Variants in TAS2R1 observed in about 807,000 individuals in gnomAD.
TAS2R1 encodes the protein taste 2 receptor member 1, also known as taste receptor type 2 member 1.
For synonymous variants in TAS2R1, 141 were observed against 134.2 expected (o/e 1.05, Z -0.35); for missense variants, 370 against 353.4 (o/e 1.05, Z -0.38).
the TAS2R1 span, among the ~76,000 whole-genome samples, chr5:9,893,208 C>A: frequency 7.2e-6 from 1 of 138,272 alleles, no homozygotes; most frequent in Admixed American, 7.2e-5. Context: ...GTTGCCCCAG[C>A]TTTTTTTTTT....
chr5:9,788,335 A>G, the TAS2R1 span, among the ~76,000 whole-genome samples: 3 of 152,176 alleles, frequency 2.0e-5, no homozygotes, highest in African/African-American at 7.2e-5. Flanking sequence ...CTTAAGGATG[A>G]CTGACTGTAT....
chr5:9,895,331 T>A, the TAS2R1 span, among the ~76,000 whole-genome samples: 1 of 152,204 alleles, frequency 6.6e-6, no homozygotes, highest in East Asian at 1.9e-4. Context: ...ACAAATATGA[T>A]GCACAGTTGT....
At chr5:9,808,270 G>C in the TAS2R1 span, among the ~76,000 whole-genome samples, 19 of 152,168 alleles carry the variant, frequency 1.2e-4, no homozygotes, top group Non-Finnish European at 5.9e-5. Context: ...ATGTTATCAG[G>C]CAATGAAGTA....
At chr5:9,714,164 A>G (rs1445321256), upstream of TAS2R1, 1 of 152,214 alleles carries the variant, frequency 6.6e-6, no homozygotes, top group Non-Finnish European at 1.5e-5. Flanking sequence ...AGAAATTTGA[A>G]CAGGTCCCTA....
chr5:9,800,265 T>C, the TAS2R1 span, among the ~76,000 whole-genome samples: 1,217 of 152,332 alleles, frequency 8.0e-3, 11 homozygotes, highest in African/African-American at 0.028. Context: ...AGTGTAGACA[T>C]TGAAAAATGC....
chr5:9,828,634 A>G, the TAS2R1 span, among the ~76,000 whole-genome samples: 1 of 152,220 alleles, frequency 6.6e-6, no homozygotes, highest in African/African-American at 2.4e-5. Flanking sequence ...TTGCATTTGC[A>G]TAATTCATAT....
chr5:9,821,683 G>C, the TAS2R1 span, among the ~76,000 whole-genome samples: 1 of 152,218 alleles, frequency 6.6e-6, no homozygotes, highest in Non-Finnish European at 1.5e-5. Context: ...TTGCCTTTGA[G>C]ACAGGGAAGT....
chr5:9,653,128 A>C (rs1346525861), intron 2 of TAS2R1, among the ~76,000 whole-genome samples: 2 of 152,132 alleles, frequency 1.3e-5, no homozygotes, highest in African/African-American at 4.8e-5. Flanking sequence ...TTCCGAGTGG[A>C]ATTATATAGT....
the TAS2R1 span, among the ~76,000 whole-genome samples, chr5:9,782,589 T>C: frequency 2.0e-5 from 3 of 152,202 alleles, no homozygotes; most frequent in African/African-American, 7.2e-5. Context: ...GTTTTAGAAC[T>C]CTGACTCCAG....
chr5:9,855,845 C>T, the TAS2R1 span, among the ~76,000 whole-genome samples: 8,844 of 152,160 alleles, frequency 0.058, 619 homozygotes, highest in East Asian at 0.23. Flanking sequence ...TTTGGTTTTG[C>T]TTTTTGGTTT....
At chr5:9,690,947 G>A (rs1561380154) in intron 1 of TAS2R1, among the ~76,000 whole-genome samples, 2 of 152,218 alleles carry the variant, frequency 1.3e-5, no homozygotes, top group East Asian at 1.9e-4. Flanking sequence ...ACAGGACAAA[G>A]CCCTTCTTTC....
At chr5:9,756,577 A>T in the TAS2R1 span, among the ~76,000 whole-genome samples, 1 of 152,224 alleles carries the variant, frequency 6.6e-6, no homozygotes, top group East Asian at 1.9e-4. Context: ...GGCTAATTTA[A>T]GAAATACATA....
the TAS2R1 span, among the ~76,000 whole-genome samples, chr5:9,806,625 G>A: frequency 2.0e-5 from 3 of 151,910 alleles, no homozygotes; most frequent in East Asian, 1.9e-4. Context: ...TTTCGGCCAA[G>A]CAAACAAAAA....
the TAS2R1 span, among the ~76,000 whole-genome samples, chr5:9,791,596 G>C: frequency 1.3e-5 from 2 of 152,180 alleles, no homozygotes. Flanking sequence ...CTGCACAACA[G>C]GCTGAGGCAA....
chr5:9,735,305 G>A, the TAS2R1 span, among the ~76,000 whole-genome samples: 1 of 151,384 alleles, frequency 6.6e-6, no homozygotes, highest in Non-Finnish European at 1.5e-5. Context: ...ACCTACATCT[G>A]AGCCAAAATA....
At chr5:9,820,035 C>A in the TAS2R1 span, among the ~76,000 whole-genome samples, 1 of 152,062 alleles carries the variant, frequency 6.6e-6, no homozygotes, top group Non-Finnish European at 1.5e-5. Flanking sequence ...GCCTCAACCT[C>A]ATGATATAAA....
chr5:9,739,556 CT>C, the TAS2R1 span, among the ~76,000 whole-genome samples: 2 of 152,224 alleles, frequency 1.3e-5, no homozygotes, highest in African/African-American at 4.8e-5. Flanking sequence ...ACTCTGTCAT[CT>C]TTGGCAATAC....
At chr5:9,719,916 T>C in the TAS2R1 span, among the ~76,000 whole-genome samples, 264 of 92,416 alleles carry the variant, frequency 2.9e-3, no homozygotes, top group East Asian at 0.022. Context: ...AAGATTCCGA[T>C]TCAAAAAAAA....
At position 9,667,518 on chromosome 5, in the gene TAS2R1, C is replaced by T. The variant is rs139792143; in HGVS notation, c.-241-7937G>A. On this transcript the variant is annotated intron_variant, in intron 1 of 2. Transcript: ENST00000506620. Reference sequence around the variant, plus strand: ...CTGCAGGCAGGCATAACCGTATGTTCCCCTTATCCCCACTTGGACAGTAGA... The same window carrying T: ...CTGCAGGCAGGCATAACCGTATGTTTCCCTTATCCCCACTTGGACAGTAGA... 2.9e-3 allele frequency among the ~76,000 whole-genome samples: 438 copies of T among 152,312 alleles called. 11 individuals carry two copies. Among genetic ancestry groups the T allele is most frequent in the Non-Finnish European group, 5.3e-4 (36 of 68,030 alleles).
Sources: gnomAD v4.1 joint callset for allele counts (sites outside exome capture counted in the v4.1 genomes callset) on GRCh38, gnomAD v4.1.1 for gene constraint, MANE v1.5 for transcripts, NCBI Gene and HGNC (gene_info 2026-07-23, HGNC 2026-07-21) for gene names.